Variants in OTUD7B observed in about 807,000 individuals in gnomAD.
OTUD7B encodes OTU deubiquitinase 7B, also known as OTU domain-containing protein 7B.
Under a neutral mutation model 82.2 loss-of-function variants are expected in OTUD7B, and 34 were observed. The observed-to-expected ratio is 0.41, with a 90% CI of 0.31 to 0.55. OTUD7B has a LOEUF of 0.55. Among genes scored for constraint, OTUD7B ranks in the 20% least tolerant of loss-of-function variants. OTUD7B has a pLI of 0.20. For synonymous variants in OTUD7B, 398 were observed against 402.7 expected (o/e 0.99, Z 0.14); for missense variants, 944 against 1,062.1 (o/e 0.89, Z 1.55).
the OTUD7B span, among the ~76,000 whole-genome samples, chr1:150,060,406 G>A: frequency 2.6e-5 from 4 of 152,168 alleles, no homozygotes; most frequent in African/African-American, 9.7e-5. Flanking sequence ...ACCACATAGA[G>A]ACCATGTGAA....
In OTUD7B at chr1:149,943,724, C is replaced by T; in HGVS notation, c.*133G>A. 9.9e-7 allele frequency: 1 copy of T among 1,008,814 alleles called. No individual in the cohort carries two copies. The highest frequency in any genetic ancestry group is 2.4e-5 in the East Asian group (1 of 41,900). 62.5% of individuals were successfully genotyped at this position (1,008,814 alleles called of 1,614,324 possible). On this transcript the variant is annotated 3_prime_UTR_variant, in exon 12 of 12. Transcript: ENST00000581312. ...CTGGCAGCACTCCTGTGTGCACACA[C>T]TTAAAAGTTTCCAGCCAGGCTCCCA...
intron 4 of OTUD7B, 86 bp from the exon 5 acceptor site, chr1:149,965,964 C>T (rs1553776483): frequency 9.3e-7 from 1 of 1,080,902 alleles, no homozygotes; most frequent in African/African-American, 1.6e-5. Context: ...CCAAAGCAGC[C>T]TCCTCTAGGA....
At chr1:150,023,624 G>T in the OTUD7B span, among the ~76,000 whole-genome samples, 1 of 152,184 alleles carries the variant, frequency 6.6e-6, no homozygotes, top group African/African-American at 2.4e-5. Flanking sequence ...GTTACCAGAG[G>T]CTGTGGTGCA....
upstream of OTUD7B, among the ~76,000 whole-genome samples, chr1:150,013,441 T>C (rs1653157748): frequency 6.6e-6 from 1 of 152,198 alleles, no homozygotes; most frequent in Non-Finnish European, 1.5e-5. Flanking sequence ...TATTTACATT[T>C]ATATGCTTTT....
the OTUD7B span, among the ~76,000 whole-genome samples, chr1:150,065,849 G>GTTTCTTTTTTTTTTTTTTTTTTT: frequency 9.2e-5 from 14 of 151,638 alleles, no homozygotes; most frequent in African/African-American, 2.9e-4. Context: ...TGTTCAAAAT[G>GTTTCTTTTTTTTTTTTTTTTTTT]TTTATGTTCC....
chr1:149,949,205 C>T (rs184663109), intron 9 of OTUD7B, 122 bp from the exon 10 acceptor site: 73 of 643,792 alleles, frequency 1.1e-4, no homozygotes, highest in Non-Finnish European at 6.1e-5. Flanking sequence ...AATTCTTACA[C>T]GTGAATTACC....
chr1:150,015,591 G>A (rs587623277), upstream of OTUD7B, among the ~76,000 whole-genome samples: 4 of 152,206 alleles, frequency 2.6e-5, no homozygotes, highest in South Asian at 8.3e-4. Flanking sequence ...TTACAAGTGT[G>A]AGCCACCATG....
the OTUD7B span, among the ~76,000 whole-genome samples, chr1:150,025,986 G>C: frequency 6.6e-6 from 1 of 152,202 alleles, no homozygotes. Context: ...GAATGGCCTT[G>C]AGTGAGGGCA....
chr1:150,027,133 G>T, the OTUD7B span, among the ~76,000 whole-genome samples: 1 of 152,152 alleles, frequency 6.6e-6, no homozygotes, highest in Non-Finnish European at 1.5e-5. Flanking sequence ...GTATTGGGCT[G>T]TATTATATCA....
At chr1:149,955,565 G>A (rs1648606924) in intron 7 of OTUD7B, among the ~76,000 whole-genome samples, 1 of 152,118 alleles carries the variant, frequency 6.6e-6, no homozygotes, top group Non-Finnish European at 1.5e-5. Context: ...GGTCTGCTTG[G>A]TGCAGAGCTG....
the OTUD7B span, among the ~76,000 whole-genome samples, chr1:150,058,194 C>T: frequency 6.6e-6 from 1 of 152,150 alleles, no homozygotes; most frequent in Non-Finnish European, 1.5e-5. Context: ...CATGGAACGC[C>T]AGCACCAACA....
chr1:150,032,839 C>A, the OTUD7B span, among the ~76,000 whole-genome samples: 1 of 152,130 alleles, frequency 6.6e-6, no homozygotes, highest in Admixed American at 6.5e-5. Flanking sequence ...AAACAGTATT[C>A]TTTTATAATG....
At chr1:149,993,890 T>A (rs1553782766) in intron 1 of OTUD7B, among the ~76,000 whole-genome samples, 1 of 152,160 alleles carries the variant, frequency 6.6e-6, no homozygotes, top group African/African-American at 2.4e-5. Context: ...AACATGTAAA[T>A]CCTGTTTAAA....
In OTUD7B at chr1:149,944,591, T is replaced by G; in HGVS notation, c.1798A>C (p.Arg600=). The G allele has an allele frequency of 6.2e-7, 1 of 1,614,128 alleles. No individual in the cohort carries two copies. Among genetic ancestry groups the G allele is most frequent in the Non-Finnish European group, 8.5e-7 (1 of 1,180,024 alleles). Residue 600 remains arginine, a synonymous_variant, in exon 12 of 12, where the codon AGG becomes CGG. Transcript: ENST00000581312. ...TTCCCCTCCCCTTGCATGGCAGTCC[T>G]CAGAATGCTCAGGCTCTGCATCACC... ...QEVMQSLSIL[R]TAMQGEGKFI... is the part of the protein sequence containing the mutation.
the OTUD7B span, among the ~76,000 whole-genome samples, chr1:150,035,451 A>T: frequency 4.2e-4 from 64 of 152,150 alleles, no homozygotes; most frequent in Admixed American, 1.4e-3. Flanking sequence ...CTCACTGACA[A>T]AATACAGTGC....
chr1:150,048,951 G>A, the OTUD7B span, among the ~76,000 whole-genome samples: 1 of 152,036 alleles, frequency 6.6e-6, no homozygotes, highest in South Asian at 2.1e-4. Context: ...TCCTGCCTCC[G>A]CCTCCTGAGT....
At chr1:149,983,857 A>G (rs187093608) in intron 1 of OTUD7B, among the ~76,000 whole-genome samples, 1 of 152,326 alleles carries the variant, frequency 6.6e-6, no homozygotes, top group African/African-American at 2.4e-5. Flanking sequence ...AATTCTTGCA[A>G]AATAGCGCTA....
At chr1:149,964,103 T>C (rs1553775999) in intron 6 of OTUD7B, 119 bp downstream of exon 6, 3 of 1,149,078 alleles carry the variant, frequency 2.6e-6, no homozygotes, top group Non-Finnish European at 3.7e-6. Context: ...ATTTTCAGGA[T>C]CATAAGGGGA....
chr1:150,006,465 T>C (rs1652680579), intron 1 of OTUD7B, among the ~76,000 whole-genome samples: 1 of 152,064 alleles, frequency 6.6e-6, no homozygotes. Context: ...TAAACCTCCA[T>C]AGCACCTAGC....
Sources: gnomAD v4.1 joint callset for allele counts (sites outside exome capture counted in the v4.1 genomes callset) on GRCh38, gnomAD v4.1.1 for gene constraint, MANE v1.5 for transcripts, NCBI Gene and HGNC (gene_info 2026-07-23, HGNC 2026-07-21) for gene names.